Variants in CNR2 observed in about 807,000 individuals in gnomAD.
CNR2 encodes cannabinoid receptor 2, also known as cannabinoid receptor 2 (macrophage).
For synonymous variants in CNR2, 172 were observed against 182.2 expected (o/e 0.94, Z 0.45); for missense variants, 379 against 439.9 (o/e 0.86, Z 1.24).
At chr1:23,881,855 C>T (rs2148460166) in intron 1 of CNR2, among the ~76,000 whole-genome samples, 1 of 151,168 alleles carries the variant, frequency 6.6e-6, no homozygotes, top group African/African-American at 2.4e-5. Context: ...CGTGCCATTG[C>T]ACTCCAGCCT....
chr1:23,900,322 A>G (rs1026391892), intron 1 of CNR2, among the ~76,000 whole-genome samples: 32 of 152,086 alleles, frequency 2.1e-4, no homozygotes, highest in African/African-American at 7.5e-4. Flanking sequence ...TTTGAGTAAT[A>G]ATAAAATTCC....
intron 1 of CNR2, chr1:23,901,822 A>G (rs1289202283): frequency 5.0e-6 from 8 of 1,604,872 alleles, no homozygotes; most frequent in African/African-American, 1.3e-5. Context: ...GCCCCGCAAT[A>G]AATACCCTTC....
intron 1 of CNR2, among the ~76,000 whole-genome samples, chr1:23,896,881 G>GTTTTT (rs5773060): frequency 7.1e-5 from 10 of 141,802 alleles, no homozygotes; most frequent in Admixed American, 7.2e-5. Context: ...CACCAGGAGT[G>GTTTTT]TTTTTTTTTT....
chr1:23,909,211 G>T (rs903966302), intron 1 of CNR2, among the ~76,000 whole-genome samples: 1 of 152,054 alleles, frequency 6.6e-6, no homozygotes, highest in Non-Finnish European at 1.5e-5. Context: ...CATTAATCTG[G>T]CCTTGTCTGT....
intron 1 of CNR2, among the ~76,000 whole-genome samples, chr1:23,896,317 C>T (rs1386151696): frequency 6.6e-6 from 1 of 152,178 alleles, no homozygotes; most frequent in African/African-American, 2.4e-5. Context: ...GCTTTTTGTT[C>T]TCAAGTAAAG....
At chr1:23,888,891 C>T (rs1388330424) in intron 1 of CNR2, among the ~76,000 whole-genome samples, 1 of 152,052 alleles carries the variant, frequency 6.6e-6, no homozygotes, top group Non-Finnish European at 1.5e-5. Context: ...ATCACTTGAA[C>T]CCAGGAGGCA....
At chr1:23,878,508 T>C (rs1189425641) in intron 1 of CNR2, among the ~76,000 whole-genome samples, 1 of 151,924 alleles carries the variant, frequency 6.6e-6, no homozygotes, top group Non-Finnish European at 1.5e-5. Context: ...CCTCCTGACA[T>C]AGCTGAGACT....
At chr1:23,906,408 C>T (rs990739526) in intron 1 of CNR2, among the ~76,000 whole-genome samples, 4 of 151,744 alleles carry the variant, frequency 2.6e-5, no homozygotes, top group African/African-American at 4.9e-5. Context: ...GGAAACTACT[C>T]GAGCCATTTC....
Position 23,873,734 on chromosome 1 carries a change from T to G in CNR2, c.*801A>C, listed in dbSNP as rs981073747. On this transcript the variant is annotated 3_prime_UTR_variant, in exon 2 of 2. Transcript: ENST00000374472. ...AACAGTTTGGAGATTTATACAATCT[T>G]TGTGAATATCTTCCTTTTTTTCTTC... 3.9e-5 allele frequency: 6 copies of G among 152,296 alleles called. No individual in the cohort carries two copies. The highest frequency in any genetic ancestry group is 3.4e-3 in the Middle Eastern group (1 of 292). The allele number at this position is 152,296 out of a possible 1,614,324, so 9.4% of individuals were successfully genotyped here.
chr1:23,900,747 C>T (rs1250255013), intron 1 of CNR2, among the ~76,000 whole-genome samples: 1 of 151,978 alleles, frequency 6.6e-6, no homozygotes, highest in East Asian at 1.9e-4. Context: ...CTCAGGTGAA[C>T]CGCCCGCCTT....
intron 1 of CNR2, chr1:23,902,372 G>GCA (rs1640415401): frequency 4.4e-6 from 7 of 1,584,922 alleles, no homozygotes; most frequent in Non-Finnish European, 6.0e-6. Flanking sequence ...GCAGGACGCA[G>GCA]GCGTTCTTGG....
chr1:23,903,754 G>A lies in CNR2; in HGVS notation c.-46+9492C>T, dbSNP rs149495464. 9.9e-5 allele frequency among the ~76,000 whole-genome samples: 15 copies of A among 152,276 alleles called. No individual in the cohort carries two copies. The East Asian group carries it at 2.9e-3, about 29-fold the overall frequency. On this transcript the variant is annotated intron_variant, in intron 1 of 1. Coordinates refer to ENST00000374472, the MANE Select transcript of CNR2 (RefSeq NM_001841.3). ...TGTGGGGAGCTTCACTTTAACAATAGCTAGTTGTGTAAAATGCAATTAATC... is the reference window on the plus strand; with the variant it reads ...TGTGGGGAGCTTCACTTTAACAATAACTAGTTGTGTAAAATGCAATTAATC...
At chr1:23,880,185 C>CTTT (rs142971648) in intron 1 of CNR2, among the ~76,000 whole-genome samples, 7 of 128,752 alleles carry the variant, frequency 5.4e-5, no homozygotes, top group Non-Finnish European at 9.5e-5. Flanking sequence ...ACTTCCAACT[C>CTTT]TTTTTTTTTT....
At chr1:23,902,510 C>G (rs1306586726) in intron 1 of CNR2, 1 of 1,608,266 alleles carries the variant, frequency 6.2e-7, no homozygotes, top group African/African-American at 1.3e-5. Context: ...TGTACACGTA[C>G]TTTAATAGGA....
intron 1 of CNR2, among the ~76,000 whole-genome samples, chr1:23,881,742 T>A (rs2148460084): frequency 6.7e-6 from 1 of 149,970 alleles, no homozygotes; most frequent in East Asian, 2.0e-4. Flanking sequence ...TACAAAAAAT[T>A]AGCTGGGCAT....
At chr1:23,886,570 C>T (rs1640093603) in intron 1 of CNR2, among the ~76,000 whole-genome samples, 1 of 152,256 alleles carries the variant, frequency 6.6e-6, no homozygotes, top group African/African-American at 2.4e-5. Flanking sequence ...CCACCCCCAA[C>T]ATCCCTCTTC....
chr1:23,875,779 A>G, intron 1 of CNR2, 117 bp from the exon 2 acceptor site: 1 of 846,616 alleles, frequency 1.2e-6, no homozygotes, highest in East Asian at 2.6e-5. Context: ...ATGTGGGAAA[A>G]TCAGTTTCTG....
chr1:23,878,111 CAG>C (rs766745837), intron 1 of CNR2, among the ~76,000 whole-genome samples: 15 of 152,026 alleles, frequency 9.9e-5, no homozygotes, highest in Non-Finnish European at 2.2e-4. Flanking sequence ...AGAGGATAAA[CAG>C]AGAAAACTGG....
intron 1 of CNR2, among the ~76,000 whole-genome samples, chr1:23,908,076 G>T (rs1281898869): frequency 7.0e-6 from 1 of 142,734 alleles, no homozygotes; most frequent in Non-Finnish European, 1.5e-5. Flanking sequence ...CGGCTCTCTG[G>T]TTCAAGCAAT....
Sources: allele counts gnomAD v4.1 joint callset (sites outside exome capture counted in the v4.1 genomes callset), GRCh38; gene constraint gnomAD v4.1.1; transcripts MANE v1.5; gene names NCBI Gene and HGNC (gene_info 2026-07-23, HGNC 2026-07-21).